Variants in RBM6 observed in about 807,000 individuals in gnomAD.
RBM6 encodes the protein RNA-binding protein 6.
A neutral mutation model predicts 140.4 loss-of-function variants in RBM6; 23 were observed. The ratio of observed to expected loss-of-function variants is 0.16; its 90% CI spans 0.12 to 0.23. The LOEUF is 0.23. RBM6 is among the 10% of genes least tolerant of loss of function. The pLI, the probability that RBM6 is intolerant of heterozygous loss-of-function variation, is 1.00. For synonymous variants in RBM6, 439 were observed against 475.6 expected (o/e 0.92, Z 1.00); for missense variants, 1,139 against 1,386.7 (o/e 0.82, Z 2.84).
intron 6 of RBM6, among the ~76,000 whole-genome samples, chr3:50,025,683 C>G (rs1369859394): frequency 6.7e-6 from 1 of 150,308 alleles, no homozygotes; most frequent in Non-Finnish European, 1.5e-5. Context: ...CTTCAGTCTC[C>G]CAAAGTGTTG....
In RBM6 at chr3:50,061,560, C is replaced by CTTTTTTTTTTT. The variant is rs10663019; in HGVS notation, c.2439+27_2439+37dup. 3.0e-4 allele frequency: 381 copies of CTTTTTTTTTTT among 1,270,192 alleles called. No individual in the cohort carries two copies. Among genetic ancestry groups the CTTTTTTTTTTT allele is most frequent in the South Asian group, 2.2e-3 (112 of 50,812 alleles). 78.7% of individuals were successfully genotyped at this position (1,270,192 alleles called of 1,614,324 possible). Reference sequence around the variant, plus strand: ...CCCCAATACCCAGGTGAGTTTGGGGCTTTTTTTTTTTTTTTTTTTTTTTTA... The same window carrying CTTTTTTTTTTT: ...CCCCAATACCCAGGTGAGTTTGGGGCTTTTTTTTTTTTTTTTTTTTTTTTTTTTTTTTTTTA... On this transcript the variant is annotated intron_variant, in intron 14 of 20. Coordinates refer to ENST00000266022, the MANE Select transcript of RBM6 (RefSeq NM_005777.3).
chr3:49,988,023 T>A (rs1004791460), intron 5 of RBM6, among the ~76,000 whole-genome samples: 30 of 152,346 alleles, frequency 2.0e-4, no homozygotes, highest in African/African-American at 6.7e-4. Context: ...TCTCAAAATA[T>A]ACTTTGGTAA....
chr3:49,947,262 AGGGG>A (rs71080561), intron 1 of RBM6, among the ~76,000 whole-genome samples: 8,229 of 60,028 alleles, frequency 0.14, 445 homozygotes, highest in African/African-American at 0.19. Context: ...AAAAAAAAAA[AGGGG>A]GGGGGGGGGG....
intron 6 of RBM6, among the ~76,000 whole-genome samples, chr3:50,032,010 G>A (rs1380777500): frequency 6.6e-6 from 1 of 152,106 alleles, no homozygotes; most frequent in Non-Finnish European, 1.5e-5. Context: ...ATACTTTTGA[G>A]CGTTTCAAGC....
intron 10 of RBM6, chr3:50,059,406 G>A: frequency 3.2e-6 from 1 of 308,014 alleles, no homozygotes; most frequent in South Asian, 1.1e-4. Context: ...AAGAGGATTT[G>A]AATTTCTGAA....
chr3:50,067,851 C>T (rs1372606264), intron 17 of RBM6, among the ~76,000 whole-genome samples: 1 of 152,184 alleles, frequency 6.6e-6, no homozygotes, highest in Non-Finnish European at 1.5e-5. Context: ...TAGCTAAAAG[C>T]TGAGAAGTTC....
chr3:49,999,633 G>A (rs2086234744), intron 6 of RBM6, 120 bp downstream of exon 6: 2 of 846,304 alleles, frequency 2.4e-6, no homozygotes, highest in Non-Finnish European at 3.9e-6. Context: ...GGAGCATACT[G>A]TATTCCAACC....
At chr3:49,952,328 C>G (rs1482967365) in intron 1 of RBM6, among the ~76,000 whole-genome samples, 1 of 149,922 alleles carries the variant, frequency 6.7e-6, no homozygotes, top group Non-Finnish European at 1.5e-5. Flanking sequence ...TGCGCCTGGC[C>G]CCAGTTTTTG....
At chr3:49,946,234 T>C (rs2083479236) in intron 1 of RBM6, among the ~76,000 whole-genome samples, 1 of 151,672 alleles carries the variant, frequency 6.6e-6, no homozygotes, top group African/African-American at 2.4e-5. Context: ...CCAACACTTG[T>C]TATTTTCTTT....
At chr3:49,953,197 A>T (rs2083815830) in intron 1 of RBM6, among the ~76,000 whole-genome samples, 1 of 148,978 alleles carries the variant, frequency 6.7e-6, no homozygotes, top group South Asian at 2.1e-4. Flanking sequence ...CTGGGACCTT[A>T]GGGGCGTGCC....
intron 11 of RBM6, among the ~76,000 whole-genome samples, chr3:50,060,048 G>A (rs940813020): frequency 6.6e-6 from 1 of 152,116 alleles, no homozygotes; most frequent in Admixed American, 6.6e-5. Context: ...AGGCTGAGGC[G>A]AGATGGGGAG....
intron 6 of RBM6, among the ~76,000 whole-genome samples, chr3:50,027,801 A>T (rs2087925269): frequency 6.6e-6 from 1 of 152,180 alleles, no homozygotes. Context: ...ATTCACATTC[A>T]TGTACAAGGT....
intron 6 of RBM6, among the ~76,000 whole-genome samples, chr3:50,023,368 C>T (rs748199179): frequency 7.2e-5 from 11 of 152,054 alleles, no homozygotes; most frequent in Non-Finnish European, 1.3e-4. Context: ...TACAGTGGCG[C>T]GATCTCGGCT....
chr3:50,056,443 C>T (rs530585272), intron 8 of RBM6, among the ~76,000 whole-genome samples: 61 of 152,000 alleles, frequency 4.0e-4, no homozygotes, highest in Admixed American at 1.2e-3. Context: ...TACAGGCACC[C>T]GCCACCGTGC....
chr3:50,005,511 A>AG (rs58296912), intron 6 of RBM6, among the ~76,000 whole-genome samples: 1 of 151,442 alleles, frequency 6.6e-6, no homozygotes, highest in Non-Finnish European at 1.5e-5. Flanking sequence ...AAAAAAAAAA[A>AG]GCAACAGAGA....
chr3:49,964,144 T>C lies in RBM6; in HGVS notation c.44+1459T>C, dbSNP rs1468669845. On this transcript the variant is annotated intron_variant, in intron 2 of 20. Coordinates refer to ENST00000266022, the MANE Select transcript of RBM6 (RefSeq NM_005777.3). Reference sequence around the variant, plus strand: ...CTGATCTCAAACTCCTGACCTCAAGTGATCCACCTACCTCAGCCTCCCAAA... The same window carrying C: ...CTGATCTCAAACTCCTGACCTCAAGCGATCCACCTACCTCAGCCTCCCAAA... Among the ~76,000 whole-genome samples, 2 of 152,102 alleles carry C rather than the reference T, an allele frequency of 1.3e-5. 1 individual carries two copies. The highest frequency in any genetic ancestry group is 6.3e-3 in the Middle Eastern group (2 of 316).
intron 19 of RBM6, 42 bp from the exon 20 acceptor site, chr3:50,075,159 A>C: frequency 7.5e-7 from 1 of 1,327,178 alleles, no homozygotes; most frequent in Non-Finnish European, 1.0e-6. Flanking sequence ...TCCGTCTCAA[A>C]AAAAAAAAAA....
At chr3:50,076,809 G>A (rs991328742) in intron 20 of RBM6, among the ~76,000 whole-genome samples, 199 bp from the exon 21 acceptor site, 5 of 151,908 alleles carry the variant, frequency 3.3e-5, no homozygotes, top group Admixed American at 6.6e-5. Context: ...TGCTTGAACC[G>A]GGGAGGCAGA....
intron 1 of RBM6, among the ~76,000 whole-genome samples, chr3:49,958,175 C>T (rs1018802605): frequency 7.2e-5 from 11 of 152,106 alleles, no homozygotes; most frequent in South Asian, 2.1e-4. Context: ...CCTGTAATCC[C>T]GACACTTTGG....
Sources: allele counts gnomAD v4.1 joint callset (sites outside exome capture counted in the v4.1 genomes callset), GRCh38; gene constraint gnomAD v4.1.1; transcripts MANE v1.5; gene names NCBI Gene and HGNC (gene_info 2026-07-23, HGNC 2026-07-21).